Variants in SASH1 observed in about 807,000 individuals in gnomAD.
The protein encoded by SASH1 is SAM and SH3 domain containing 1, also known as SAM and SH3 domain-containing protein 1.
In SASH1, 44 loss-of-function variants were observed where a neutral mutation model predicts 125.2. The ratio of observed to expected loss-of-function variants is 0.35; its 90% CI spans 0.28 to 0.45. The LOEUF is 0.45. Among genes scored for constraint, SASH1 ranks in the 20% least tolerant of loss-of-function variants. The pLI, the probability that SASH1 is intolerant of heterozygous loss-of-function variation, is 1.00. For synonymous variants in SASH1, 639 were observed against 649.1 expected (o/e 0.98, Z 0.24); for missense variants, 1,426 against 1,614.5 (o/e 0.88, Z 2.00).
intron 1 of SASH1, among the ~76,000 whole-genome samples, chr6:148,334,013 G>A (rs896912478): frequency 3.0e-4 from 45 of 151,568 alleles, no homozygotes; most frequent in African/African-American, 1.0e-3. Flanking sequence ...TAGTAGAGAC[G>A]GGGGTTCACC....
chr6:148,200,474 G>A, the SASH1 span, among the ~76,000 whole-genome samples: 1 of 152,274 alleles, frequency 6.6e-6, no homozygotes, highest in African/African-American at 2.4e-5. Flanking sequence ...TGGCTTCGGC[G>A]ACCTCTGCTG....
chr6:148,408,664 T>G (rs1784477869), intron 2 of SASH1, among the ~76,000 whole-genome samples: 1 of 152,170 alleles, frequency 6.6e-6, no homozygotes, highest in Non-Finnish European at 1.5e-5. Context: ...TGCACAAACG[T>G]TTTCATAATT....
intron 4 of SASH1, among the ~76,000 whole-genome samples, chr6:148,455,497 T>C (rs1777300091): frequency 1.3e-5 from 2 of 151,998 alleles, no homozygotes; most frequent in Non-Finnish European, 2.9e-5. Context: ...GGGAAGGACG[T>C]GAAGTCATCT....
At position 148,335,838 on chromosome 6, in the gene SASH1, C is replaced by T. The variant is rs553907260; in HGVS notation, n.75-54296C>T. On this transcript the variant is annotated intron_variant and non_coding_transcript_variant, in intron 1 of 3. Coordinates refer to the SASH1 transcript ENST00000367469. ...AACTCCCAGCTCCATTACTCAGCAA[C>T]GGCATTCCAGAGCTAGAGTTGACTC... 8.5e-5 allele frequency among the ~76,000 whole-genome samples: 13 copies of T among 152,230 alleles called. No homozygotes were observed. In the South Asian group the frequency reaches 1.9e-3, roughly 22 times the overall value.
At chr6:148,342,409 G>A (rs561766883), upstream of SASH1, among the ~76,000 whole-genome samples, 32 of 152,212 alleles carry the variant, frequency 2.1e-4, no homozygotes, top group Admixed American at 6.5e-4. Context: ...AAGCGTTTCC[G>A]TGAATAGCGT....
chr6:148,408,634 C>T (rs79417433), intron 2 of SASH1, among the ~76,000 whole-genome samples: 1 of 152,192 alleles, frequency 6.6e-6, no homozygotes, highest in Admixed American at 6.5e-5. Context: ...TTGCCTTTCA[C>T]TCTTGATCGT....
the SASH1 span, among the ~76,000 whole-genome samples, chr6:148,213,741 G>A: frequency 6.6e-6 from 1 of 152,054 alleles, no homozygotes; most frequent in African/African-American, 2.4e-5. Context: ...TGGTCTGTAT[G>A]TGCTTGGAGA....
intron 2 of SASH1, among the ~76,000 whole-genome samples, chr6:148,425,337 G>T (rs1775767867): frequency 6.6e-6 from 1 of 152,070 alleles, no homozygotes; most frequent in African/African-American, 2.4e-5. Flanking sequence ...ATGAAATAAG[G>T]TGCTTTTACA....
At chr6:148,219,780 G>A in the SASH1 span, among the ~76,000 whole-genome samples, 1 of 152,202 alleles carries the variant, frequency 6.6e-6, no homozygotes, top group Admixed American at 6.5e-5. Flanking sequence ...CAGGTGATGG[G>A]GAAATGGACT....
chr6:148,321,458 G>T (rs915060914), intron 1 of SASH1, among the ~76,000 whole-genome samples: 6 of 151,352 alleles, frequency 4.0e-5, no homozygotes, highest in African/African-American at 1.5e-4. Context: ...GAAGCTCTTT[G>T]TCCTATGAGC....
chr6:148,285,849 C>CA (rs1779467944), intron 1 of SASH1, among the ~76,000 whole-genome samples: 1 of 152,182 alleles, frequency 6.6e-6, no homozygotes, highest in South Asian at 2.1e-4. Context: ...TGGTGATCTA[C>CA]AATCAGCAGG....
intron 4 of SASH1, among the ~76,000 whole-genome samples, chr6:148,447,540 T>C (rs1231715026): frequency 6.6e-6 from 1 of 152,142 alleles, no homozygotes; most frequent in African/African-American, 2.4e-5. Flanking sequence ...CCTGTTGCAG[T>C]CCCTCCAACT....
chr6:148,397,944 A>C (rs1304434790), intron 2 of SASH1, among the ~76,000 whole-genome samples: 1 of 152,190 alleles, frequency 6.6e-6, no homozygotes, highest in Non-Finnish European at 1.5e-5. Context: ...CGTGCTGTGC[A>C]GGAGTACAGA....
chr6:148,196,882 G>T, the SASH1 span, among the ~76,000 whole-genome samples: 1 of 147,990 alleles, frequency 6.8e-6, no homozygotes. Context: ...AATTTGGAAA[G>T]GAGAGGGATA....
At chr6:148,258,089 C>CT in the SASH1 span, among the ~76,000 whole-genome samples, 81 of 148,574 alleles carry the variant, frequency 5.5e-4, no homozygotes, top group Non-Finnish European at 7.9e-4. Context: ...TTGGCTTTCC[C>CT]TTTTTTTTTT....
chr6:148,404,119 C>T (rs4440485), intron 2 of SASH1, among the ~76,000 whole-genome samples: 16,940 of 152,080 alleles, frequency 0.11, 1,157 homozygotes, highest in Admixed American at 0.21. Flanking sequence ...CATTCCTAGA[C>T]TCATAAAGTG....
chr6:148,486,936 A>AAT (rs68036618), intron 7 of SASH1, among the ~76,000 whole-genome samples: 24 of 62,020 alleles, frequency 3.9e-4, no homozygotes, highest in Admixed American at 8.3e-4. Flanking sequence ...AACAACAACA[A>AAT]ATATATATAT....
intron 1 of SASH1, among the ~76,000 whole-genome samples, chr6:148,334,176 G>A (rs1781079412): frequency 1.4e-5 from 2 of 141,066 alleles, no homozygotes; most frequent in South Asian, 4.9e-4. Context: ...TGTAATCCCA[G>A]CACTTTGGGA....
At chr6:148,347,415 A>G (rs1350825085) in intron 1 of SASH1, among the ~76,000 whole-genome samples, 1 of 152,182 alleles carries the variant, frequency 6.6e-6, no homozygotes, top group African/African-American at 2.4e-5. Flanking sequence ...TGTGCAAGCT[A>G]CAGAAAGGCA....
Sources: gnomAD v4.1 joint callset for allele counts (sites outside exome capture counted in the v4.1 genomes callset) on GRCh38, gnomAD v4.1.1 for gene constraint, MANE v1.5 for transcripts, NCBI Gene and HGNC (gene_info 2026-07-23, HGNC 2026-07-21) for gene names.